CHN2: variants seen among roughly 807,000 people sequenced by gnomAD.
The protein encoded by CHN2 is beta-chimaerin.
In CHN2, 35 loss-of-function variants were observed where a neutral mutation model predicts 56.3. That is an observed-to-expected ratio of 0.62 (90% CI 0.47 to 0.82). The LOEUF is 0.82. Among genes scored for constraint, CHN2 ranks in the 40% least tolerant of loss-of-function variants. The pLI is 0.00. For synonymous variants in CHN2, 210 were observed against 212.8 expected, an observed-to-expected ratio of 0.99 and a Z score of 0.12; for missense variants, 491 against 580.5, an observed-to-expected ratio of 0.85 and a Z score of 1.58.
chr7:29,252,594 T>TGTTTTG (rs1306531057), intron 1 of CHN2, among the ~76,000 whole-genome samples: 9 of 48,068 alleles, frequency 1.9e-4, no homozygotes, highest in Non-Finnish European at 2.8e-4. Flanking sequence ...TTTTTTTTTT[T>TGTTTTG]TTTTTTTTTT....
At chr7:29,468,479 T>C (rs912566757) in intron 6 of CHN2, among the ~76,000 whole-genome samples, 15 of 152,066 alleles carry the variant, frequency 9.9e-5, no homozygotes, top group South Asian at 2.1e-4. Flanking sequence ...GGAGTCAGAC[T>C]CTTTATTATG....
chr7:29,394,390 T>A (rs1274822881), intron 4 of CHN2, among the ~76,000 whole-genome samples: 1 of 152,226 alleles, frequency 6.6e-6, no homozygotes, highest in East Asian at 1.9e-4. Context: ...CAATCACTTT[T>A]CTTCCCAAGT....
intron 1 of CHN2, among the ~76,000 whole-genome samples, chr7:29,253,033 T>TCG (rs1788764944): frequency 6.6e-6 from 1 of 152,182 alleles, no homozygotes; most frequent in African/African-American, 2.4e-5. Context: ...AAGATATAAG[T>TCG]CGATTCTTAG....
intron 2 of CHN2, among the ~76,000 whole-genome samples, chr7:29,366,634 T>C (rs763077838): frequency 1.3e-5 from 2 of 152,170 alleles, no homozygotes; most frequent in Non-Finnish European, 2.9e-5. Context: ...TTTAGTGTCC[T>C]TCTGAGCTAA....
intron 1 of CHN2, among the ~76,000 whole-genome samples, chr7:29,335,094 G>A (rs1432392330): frequency 6.6e-6 from 1 of 152,142 alleles, no homozygotes; most frequent in Non-Finnish European, 1.5e-5. Flanking sequence ...AAAATCATCA[G>A]TAAACATTTC....
intron 3 of CHN2, among the ~76,000 whole-genome samples, chr7:29,368,751 G>T (rs575358889): frequency 1.3e-5 from 2 of 152,226 alleles, no homozygotes; most frequent in Non-Finnish European, 2.9e-5. Flanking sequence ...TTTGGATCTG[G>T]TTTTGAACCT....
intron 3 of CHN2, among the ~76,000 whole-genome samples, chr7:29,385,347 G>A (rs187747484): frequency 1.4e-4 from 21 of 152,186 alleles, no homozygotes; most frequent in African/African-American, 5.1e-4. Context: ...TCTAAAGCAG[G>A]GTTTATTGAC....
At chr7:29,373,280 G>A (rs1799765482) in intron 3 of CHN2, among the ~76,000 whole-genome samples, 1 of 151,718 alleles carries the variant, frequency 6.6e-6, no homozygotes, top group African/African-American at 2.4e-5. Context: ...AAATTCAAGC[G>A]ATTCTCCTGC....
chr7:29,429,645 C>A (rs886545927), intron 6 of CHN2, among the ~76,000 whole-genome samples: 1 of 151,996 alleles, frequency 6.6e-6, no homozygotes, highest in Non-Finnish European at 1.5e-5. Context: ...AGGTTCAGTT[C>A]CCTGGAAAAT....
chr7:29,488,003 T>G (rs558131455), intron 7 of CHN2, among the ~76,000 whole-genome samples: 4 of 152,358 alleles, frequency 2.6e-5, no homozygotes, highest in Non-Finnish European at 4.4e-5. Flanking sequence ...TCTTACTTTA[T>G]GCAGTGGGGA....
At chr7:29,147,090 G>A (rs1792834485) in intron 2 of CHN2, 1 of 1,305,346 alleles carries the variant, frequency 7.7e-7, no homozygotes, top group African/African-American at 1.5e-5. Context: ...AACTAAGTGA[G>A]GTTAAGTAAC....
At chr7:29,380,856 T>C (rs1418116727) in intron 3 of CHN2, 2 of 152,168 alleles carry the variant, frequency 1.3e-5, no homozygotes, top group South Asian at 2.1e-4. Flanking sequence ...TGAAGATGAA[T>C]TAAGGATTGG....
At chr7:29,504,232 A>G (rs945775708) in intron 9 of CHN2, among the ~76,000 whole-genome samples, 12 of 152,210 alleles carry the variant, frequency 7.9e-5, no homozygotes, top group Non-Finnish European at 1.8e-4. Context: ...TACATACAAT[A>G]TAGCACATGG....
chr7:29,443,431 T>G (rs1783814442), intron 6 of CHN2, among the ~76,000 whole-genome samples: 1 of 152,220 alleles, frequency 6.6e-6, no homozygotes, highest in Non-Finnish European at 1.5e-5. Context: ...TCAGTACATC[T>G]GATGATGTTC....
chr7:29,504,339 C>G (rs1302071358), intron 9 of CHN2, among the ~76,000 whole-genome samples: 1 of 152,092 alleles, frequency 6.6e-6, no homozygotes, highest in Non-Finnish European at 1.5e-5. Context: ...AATATATACA[C>G]CTACTGTGTA....
chr7:29,276,976 CT>C (rs1791276879), intron 1 of CHN2, among the ~76,000 whole-genome samples: 1 of 152,184 alleles, frequency 6.6e-6, no homozygotes, highest in African/African-American at 2.4e-5. Context: ...AGCCATGCCC[CT>C]GGCTCAGCTG....
rs184733977 is a variant in CHN2 at position 29,451,986 on chromosome 7, C to T, written c.577-28293C>T. Among the ~76,000 whole-genome samples, 20 of 152,284 alleles carry T rather than the reference C, an allele frequency of 1.3e-4. No homozygotes were observed. The East Asian group carries it at 3.5e-3, about 26-fold the overall frequency. On this transcript the variant is annotated intron_variant, in intron 6 of 12. Coordinates refer to ENST00000222792, the MANE Select transcript of CHN2 (RefSeq NM_004067.4). ...AGGTCATCATGACCGCCACACCACC[C>T]GTGGAGGACAGCAGGGTCCTTAGGG... is the stretch of plus-strand genomic sequence containing the variant.
intron 1 of CHN2, among the ~76,000 whole-genome samples, chr7:29,312,482 T>C (rs1236852746): frequency 2.6e-5 from 4 of 152,200 alleles, no homozygotes; most frequent in Non-Finnish European, 4.4e-5. Flanking sequence ...AGATTTTGTC[T>C]GGGGGCAGAA....
intron 1 of CHN2, among the ~76,000 whole-genome samples, chr7:29,247,319 A>G (rs1179505266): frequency 6.6e-6 from 1 of 152,186 alleles, no homozygotes; most frequent in Admixed American, 6.5e-5. Flanking sequence ...CAGTGACCCA[A>G]GGTTGCCAGA....
Sources: allele counts gnomAD v4.1 joint callset (sites outside exome capture counted in the v4.1 genomes callset), GRCh38; gene constraint gnomAD v4.1.1; transcripts MANE v1.5; gene names NCBI Gene and HGNC (gene_info 2026-07-23, HGNC 2026-07-21).